RAB37: variants seen among roughly 807,000 people sequenced by gnomAD.
RAB37 encodes the protein RAB37, member RAS oncogene family.
In RAB37, 29 loss-of-function variants were observed where a neutral mutation model predicts 33.1. That is an observed-to-expected ratio of 0.88 (90% CI 0.65 to 1.20). The LOEUF (loss-of-function observed/expected upper bound fraction) is 1.20, where lower values mean the gene tolerates loss of function less well. Among genes scored for constraint, RAB37 ranks in the 50% most tolerant of loss-of-function variants. The pLI is 0.00. For missense variants in RAB37, 299 were observed against 301.1 expected (o/e 0.99, Z 0.05); for synonymous variants, 128 against 119.5 (o/e 1.07, Z -0.47).
At chr17:74,687,531 C>T (rs1312311881) in intron 1 of RAB37, among the ~76,000 whole-genome samples, 1 of 152,040 alleles carries the variant, frequency 6.6e-6, no homozygotes, top group African/African-American at 2.4e-5. Context: ...GCCAAGTCAC[C>T]CTTTCTTGAT....
At position 74,679,359 on chromosome 17, in the gene RAB37, C is replaced by G. The variant is rs537743828; in HGVS notation, c.72+7701C>G. Among the ~76,000 whole-genome samples the G allele has an allele frequency of 3.9e-5, 6 of 152,172 alleles. No individual in the cohort carries two copies. In the South Asian group the frequency reaches 6.2e-4, roughly 16 times the overall value. The stretch of plus-strand genomic sequence containing the variant: ...CACAGTCCAGATGAGGCAGACACCC[C>G]CTTTCAGCCCCTGGAGTCTCCCTCC... On this transcript the variant is annotated intron_variant, in intron 1 of 7. Transcript: ENST00000340415.
rs1243331031 is a variant in RAB37 at position 74,745,558 on chromosome 17, C to T, written c.*147C>T. On this transcript the variant is annotated 3_prime_UTR_variant, in exon 9 of 9. Coordinates refer to ENST00000392613, the MANE Select transcript of RAB37 (RefSeq NM_001006638.3). This position sits in a 1 kb window ranked among gnomAD's most constrained non-coding sequence, Gnocchi z 4.5. ...CGCTTCCTAGCAGGGAGCTATACTC[C>T]AACTCCTACTTGAGTTCCTGCGGTC... The T allele has an allele frequency of 1.6e-6, 1 of 640,706 alleles. No individual in the cohort carries two copies. The highest frequency in any genetic ancestry group is 2.8e-6 in the Non-Finnish European group (1 of 360,324). The allele number at this position is 640,706 out of a possible 1,614,324, so 39.7% of individuals were successfully genotyped here.
chr17:74,741,973 G>A (rs951775925), intron 2 of RAB37, among the ~76,000 whole-genome samples: 3 of 152,318 alleles, frequency 2.0e-5, no homozygotes, highest in African/African-American at 7.2e-5. Flanking sequence ...CAGCCCTCCA[G>A]CCCTGGGCTG....
In RAB37 at chr17:74,740,777, C is replaced by T. The variant is rs906990352; in HGVS notation, c.103C>T (p.Leu35=). The T allele has an allele frequency of 1.2e-6, 2 of 1,613,562 alleles. No homozygotes were observed. The highest frequency in any genetic ancestry group is 2.7e-5 in the African/African-American group (2 of 74,928). The change falls in exon 2 of 9, where the codon CTG becomes TTG. Residue 35 remains leucine, a synonymous_variant. Transcript: ENST00000392613. The stretch of plus-strand genomic sequence containing the variant: ...TGCCCCTACCCCCTAGGTGATGCTT[C>T]TGGGAGACACAGGCGTCGGCAAAAC... ...SYDLTGKVML[L]GDTGVGKTCF...
rs72847198 is a variant in RAB37 at position 74,674,775 on chromosome 17, C to T, written c.72+3117C>T. ...CAAAGTGAACATACCTGTGCAATCA[C>T]TATCAAGAGAAAGAAATAGAACCTT... On this transcript the variant is annotated intron_variant, in intron 1 of 7. Coordinates refer to the RAB37 transcript ENST00000340415. Among the ~76,000 whole-genome samples, 729 of 152,328 alleles carry T rather than the reference C, an allele frequency of 4.8e-3. 4 individuals carry two copies. Among genetic ancestry groups the T allele is most frequent in the Non-Finnish European group, 8.6e-3 (588 of 68,036 alleles).
intron 1 of RAB37, among the ~76,000 whole-genome samples, chr17:74,711,900 TTTTTTC>T (rs1403172868): frequency 6.8e-6 from 1 of 147,658 alleles, no homozygotes; most frequent in African/African-American, 2.5e-5. Flanking sequence ...TTCTTTTTTC[TTTTTTC>T]TTTTTTTTTT....
intron 1 of RAB37, among the ~76,000 whole-genome samples, chr17:74,707,301 A>C (rs1262823751): frequency 2.0e-5 from 3 of 152,244 alleles, no homozygotes; most frequent in Admixed American, 2.0e-4. Context: ...GAAAACAAAT[A>C]ATCTAATTAA....
At chr17:74,718,432 C>T (rs1472834018) in intron 1 of RAB37, among the ~76,000 whole-genome samples, 1 of 151,928 alleles carries the variant, frequency 6.6e-6, no homozygotes, top group Non-Finnish European at 1.5e-5. Context: ...AAAAAAAGGG[C>T]TCTTTGATTT....
At chr17:74,728,699 A>G (rs1231772965) in intron 1 of RAB37, among the ~76,000 whole-genome samples, 1 of 147,044 alleles carries the variant, frequency 6.8e-6, no homozygotes, top group African/African-American at 2.5e-5. Flanking sequence ...TGTTCTGTGC[A>G]TGTGTGTGCA....
intron 1 of RAB37, among the ~76,000 whole-genome samples, chr17:74,712,328 G>A (rs1402158796): frequency 2.0e-5 from 3 of 151,650 alleles, no homozygotes; most frequent in Admixed American, 6.6e-5. Context: ...TGACCTTTCC[G>A]TCCCTCAGCA....
In RAB37 at chr17:74,671,654, A is replaced by G. The variant is rs371317867; in HGVS notation, c.68A>G (p.His23Arg). The change falls in exon 1 of 8, where the codon CAT becomes CGT. Residue 23 changes from histidine (H) to arginine (R), a missense_variant. By Grantham distance (29) the His-to-Arg change is conservative. Coordinates refer to the RAB37 transcript ENST00000340415. The surrounding 1 kb of genome is among the most constrained non-coding windows in gnomAD (Gnocchi z 5.0). The stretch of plus-strand genomic sequence containing the variant: ...CCTGACTTCAACGACCACGTCCTGC[A>G]TAAGGTAAACATCTCCTGTATTCCT... 2 of 1,614,154 alleles carry G rather than the reference A, an allele frequency of 1.2e-6. No individual in the cohort carries two copies. Among genetic ancestry groups the G allele is most frequent in the Non-Finnish European group, 1.7e-6 (2 of 1,179,958 alleles).
rs778848374 is a variant in RAB37 at position 74,737,303 on chromosome 17, C to A, written c.31C>A (p.Arg11=). 6.3e-7 allele frequency: 1 copy of A among 1,576,476 alleles called. No individual in the cohort carries two copies. The highest frequency in any genetic ancestry group is 8.6e-7 in the Non-Finnish European group (1 of 1,168,528). Reference sequence around the variant, plus strand: ...GGGCACGCCAGGCGCCGTTGCCACCCGGGATGGCGAGGCCCCCGAGCGCTC... The same window carrying A: ...GGGCACGCCAGGCGCCGTTGCCACCAGGGATGGCGAGGCCCCCGAGCGCTC... MTGTPGAVAT[R]DGEAPERSPP... Residue 11 remains arginine, a synonymous_variant, in exon 1 of 9, where the codon CGG becomes AGG. Transcript: ENST00000392613.
upstream of RAB37, chr17:74,736,588 C>A: frequency 6.6e-7 from 1 of 1,525,572 alleles, no homozygotes; most frequent in Non-Finnish European, 8.8e-7. Flanking sequence ...TGCTGCGCAG[C>A]CCTCTTGCGA....
At position 74,740,829 on chromosome 17, in the gene RAB37, G is replaced by A. The variant is rs1334325571; in HGVS notation, c.155G>A (p.Gly52Glu). The A allele has an allele frequency of 6.2e-7, 1 of 1,613,996 alleles. No individual in the cohort carries two copies. Among genetic ancestry groups the A allele is most frequent in the Non-Finnish European group, 8.5e-7 (1 of 1,180,018 alleles). ...KTCFLIQFKD[G>E]AFLSGTFIAT... ...TGTTTCCTGATCCAATTCAAAGACG[G>A]GGCCTTCCTGTCCGGAACCTTCATA... Residue 52 changes from glycine (G) to glutamate (E), a missense_variant, in exon 2 of 9, where the codon GGG (glycine) becomes GAG (glutamate). Coordinates refer to ENST00000392613, the MANE Select transcript of RAB37 (RefSeq NM_001006638.3).
At chr17:74,710,577 G>T (rs1317646978) in intron 1 of RAB37, among the ~76,000 whole-genome samples, 2 of 152,168 alleles carry the variant, frequency 1.3e-5, no homozygotes, top group African/African-American at 4.8e-5. Flanking sequence ...AGCACAGTGA[G>T]GCTGGGCGCG....
chr17:74,723,724 G>A (rs542234303), intron 1 of RAB37, among the ~76,000 whole-genome samples: 15 of 151,950 alleles, frequency 9.9e-5, no homozygotes, highest in South Asian at 6.2e-4. Flanking sequence ...GACTACAGGC[G>A]CGCATTTTTG....
At position 74,681,563 on chromosome 17, in the gene RAB37, C is replaced by A. The variant is rs1197782091; in HGVS notation, c.72+9905C>A. Among the ~76,000 whole-genome samples, 5 of 152,284 alleles carry A rather than the reference C, an allele frequency of 3.3e-5. No homozygotes were observed. The East Asian group carries it at 9.6e-4, about 29-fold the overall frequency. On this transcript the variant is annotated intron_variant, in intron 1 of 7. Coordinates refer to the RAB37 transcript ENST00000340415. ...CAACCAAACCCAAAACACCAGGATC[C>A]CAGCCCTTGGGATGACAGTGTGGCA...
At chr17:74,743,485 T>A in intron 5 of RAB37, 145 bp downstream of exon 5, 1 of 823,116 alleles carries the variant, frequency 1.2e-6, no homozygotes, top group Non-Finnish European at 2.0e-6. Flanking sequence ...GACTCAGAAG[T>A]CATATCTGCT....
At chr17:74,726,375 A>C (rs2034308434) in intron 1 of RAB37, among the ~76,000 whole-genome samples, 1 of 152,116 alleles carries the variant, frequency 6.6e-6, no homozygotes, top group Non-Finnish European at 1.5e-5. Context: ...CCGAGAAGAC[A>C]GGACTGTTTC....
Sources: gnomAD v4.1 joint callset for allele counts (sites outside exome capture counted in the v4.1 genomes callset) on GRCh38, gnomAD v4.1.1 for gene constraint, Gnocchi (gnomAD v3.1) non-coding constraint, MANE v1.5 for transcripts, NCBI Gene and HGNC (gene_info 2026-07-23, HGNC 2026-07-21) for gene names.